SNX24: variants seen among roughly 807,000 people sequenced by gnomAD.
SNX24 encodes the protein sorting nexin-24.
SNX24 carries 22 observed loss-of-function variants against 28.7 expected under a neutral mutation model. The observed-to-expected ratio is 0.77, with a 90% CI of 0.55 to 1.10. The LOEUF is 1.10. Among genes scored for constraint, SNX24 ranks in the 50% least tolerant of loss-of-function variants. The pLI is 0.00. For missense variants in SNX24, 221 were observed against 201.1 expected (o/e 1.10, Z -0.60); for synonymous variants, 69 against 71.5 (o/e 0.96, Z 0.18).
chr5:122,896,808 C>T (rs1757223136), intron 1 of SNX24, among the ~76,000 whole-genome samples: 1 of 152,228 alleles, frequency 6.6e-6, no homozygotes, highest in Non-Finnish European at 1.5e-5. Context: ...CCAACTACTA[C>T]TTGTTAGTTT....
intron 1 of SNX24, among the ~76,000 whole-genome samples, chr5:122,917,702 C>T (rs1419297922): frequency 6.6e-6 from 1 of 152,190 alleles, no homozygotes; most frequent in Non-Finnish European, 1.5e-5. Context: ...CTGCATTCTT[C>T]ACCTGTCAAC....
At chr5:122,910,287 T>C (rs1266897033) in intron 1 of SNX24, among the ~76,000 whole-genome samples, 1 of 152,124 alleles carries the variant, frequency 6.6e-6, no homozygotes. Flanking sequence ...CCCAGGCTAT[T>C]CTCTGTTCAC....
intron 3 of SNX24, among the ~76,000 whole-genome samples, chr5:122,987,444 A>T (rs1761651037): frequency 6.6e-6 from 1 of 152,210 alleles, no homozygotes; most frequent in Admixed American, 6.5e-5. Context: ...AAGTAACAAG[A>T]TTTCTGGACA....
At chr5:122,929,564 A>G (rs781641090) in intron 1 of SNX24, among the ~76,000 whole-genome samples, 16 of 152,252 alleles carry the variant, frequency 1.1e-4, no homozygotes, top group African/African-American at 1.7e-4. Flanking sequence ...GCACCAAATC[A>G]TAGTACATTT....
At chr5:122,866,248 C>A (rs1755716425) in intron 1 of SNX24, among the ~76,000 whole-genome samples, 1 of 152,182 alleles carries the variant, frequency 6.6e-6, no homozygotes, top group Non-Finnish European at 1.5e-5. Context: ...CTCCCAGGTT[C>A]AAGCAGTTCT....
chr5:122,907,230 A>G (rs1212613341), intron 1 of SNX24, among the ~76,000 whole-genome samples: 1 of 152,198 alleles, frequency 6.6e-6, no homozygotes, highest in African/African-American at 2.4e-5. Flanking sequence ...TCACCTATTT[A>G]TAGCAAGTGA....
At chr5:122,951,390 C>G (rs545937228) in intron 3 of SNX24, among the ~76,000 whole-genome samples, 83 of 151,114 alleles carry the variant, frequency 5.5e-4, no homozygotes, top group African/African-American at 1.6e-3. Flanking sequence ...ATAATATTTG[C>G]TCATTAACAC....
At chr5:122,905,608 G>C (rs1329705401) in intron 1 of SNX24, among the ~76,000 whole-genome samples, 1 of 152,118 alleles carries the variant, frequency 6.6e-6, no homozygotes, top group African/African-American at 2.4e-5. Flanking sequence ...TACTAAATCT[G>C]CAGCACTTCT....
At chr5:122,946,672 CT>C (rs1342644874) in intron 3 of SNX24, among the ~76,000 whole-genome samples, 2 of 152,182 alleles carry the variant, frequency 1.3e-5, no homozygotes, top group Non-Finnish European at 2.9e-5. Context: ...AAAGAATGCA[CT>C]GGGACACTCT....
chr5:122,921,581 G>A (rs1758431274), intron 1 of SNX24, among the ~76,000 whole-genome samples: 1 of 151,992 alleles, frequency 6.6e-6, no homozygotes, highest in Admixed American at 6.6e-5. Context: ...AGGTGATGTA[G>A]GGGATTTAGT....
chr5:123,026,261 G>A (rs1226618096), intron 5 of SNX24, among the ~76,000 whole-genome samples: 2 of 152,138 alleles, frequency 1.3e-5, no homozygotes, highest in African/African-American at 2.4e-5. Flanking sequence ...CCATGACTTC[G>A]CTCTGAAGTG....
chr5:122,981,157 G>A (rs970768767), intron 3 of SNX24, among the ~76,000 whole-genome samples: 3 of 152,162 alleles, frequency 2.0e-5, no homozygotes, highest in African/African-American at 7.2e-5. Context: ...TGCCAATTTA[G>A]TATGTTTTTA....
chr5:122,903,092 C>G (rs979696536), intron 1 of SNX24, among the ~76,000 whole-genome samples: 1 of 151,944 alleles, frequency 6.6e-6, no homozygotes, highest in Non-Finnish European at 1.5e-5. Context: ...TGGTTGTACT[C>G]TCCTTTGTAC....
At chr5:122,862,253 G>A (rs537387687) in intron 1 of SNX24, among the ~76,000 whole-genome samples, 9 of 152,296 alleles carry the variant, frequency 5.9e-5, no homozygotes, top group African/African-American at 2.2e-4. Flanking sequence ...GCAGCCATGA[G>A]TAGGGAGTGG....
intron 5 of SNX24, among the ~76,000 whole-genome samples, chr5:123,021,110 C>A (rs930208568): frequency 2.0e-5 from 3 of 151,752 alleles, no homozygotes; most frequent in East Asian, 1.9e-4. Context: ...CAGTTCCCCC[C>A]CCGTCCCCAT....
At chr5:122,862,134 A>G (rs1755487929) in intron 1 of SNX24, among the ~76,000 whole-genome samples, 1 of 152,112 alleles carries the variant, frequency 6.6e-6, no homozygotes. Context: ...AAGGGTAAGA[A>G]GTGTGGATAG....
intron 5 of SNX24, among the ~76,000 whole-genome samples, chr5:123,021,540 C>T (rs1762762830): frequency 6.6e-6 from 1 of 152,186 alleles, no homozygotes; most frequent in South Asian, 2.1e-4. Flanking sequence ...TAAAGCCAGT[C>T]CCAGGAGTGA....
intron 4 of SNX24, 95 bp from the exon 5 acceptor site, chr5:123,001,310 C>A: frequency 1.3e-6 from 1 of 784,488 alleles, no homozygotes; most frequent in Admixed American, 2.2e-5. Context: ...CCAATTCAGT[C>A]ATCTAATAAT....
At chr5:122,903,942 A>T (rs2150082409) in intron 1 of SNX24, among the ~76,000 whole-genome samples, 1 of 152,318 alleles carries the variant, frequency 6.6e-6, no homozygotes, top group East Asian at 1.9e-4. Flanking sequence ...TTACATTAAA[A>T]GATACATAAA....
Sources: gnomAD v4.1 joint callset for allele counts (sites outside exome capture counted in the v4.1 genomes callset) on GRCh38, gnomAD v4.1.1 for gene constraint, MANE v1.5 for transcripts, NCBI Gene and HGNC (gene_info 2026-07-23, HGNC 2026-07-21) for gene names.